Variants in HDGFL3 observed in about 807,000 individuals in gnomAD.
HDGFL3 encodes the protein HDGF like 3.
Under a neutral mutation model 27.6 loss-of-function variants are expected in HDGFL3, and 6 were observed. The ratio of observed to expected loss-of-function variants is 0.22; its 90% confidence interval spans 0.12 to 0.43. The LOEUF (loss-of-function observed/expected upper bound fraction) is 0.43, where lower values mean the gene tolerates loss of function less well. Among genes scored for constraint, HDGFL3 ranks in the 20% least tolerant of loss-of-function variants. HDGFL3 has a pLI of 1.00. For synonymous variants in HDGFL3, 88 were observed against 88.9 expected (o/e 0.99, Z 0.05); for missense variants, 207 against 250.1 (o/e 0.83, Z 1.16).
chr15:83,123,631 G>T (rs2035465873), downstream of HDGFL3, among the ~76,000 whole-genome samples: 1 of 152,150 alleles, frequency 6.6e-6, no homozygotes, highest in Non-Finnish European at 1.5e-5. Context: ...TACTTCATTT[G>T]TAAACATTTA....
At chr15:83,121,875 A>G in intron 3 of HDGFL3, 1 of 1,439,826 alleles carries the variant, frequency 6.9e-7, no homozygotes, top group African/African-American at 1.4e-5. Context: ...TTAGTATTCT[A>G]AGACAAACAT....
At chr15:83,204,036 C>T (rs1173342912) in intron 1 of HDGFL3, among the ~76,000 whole-genome samples, 3 of 146,772 alleles carry the variant, frequency 2.0e-5, no homozygotes, top group Admixed American at 1.4e-4. Context: ...GAGAAACAGC[C>T]AGCTGCTATT....
At chr15:83,206,596 G>A (rs189449773) in intron 1 of HDGFL3, among the ~76,000 whole-genome samples, 3 of 152,286 alleles carry the variant, frequency 2.0e-5, no homozygotes, top group East Asian at 1.9e-4. Context: ...GTAGCAGGAG[G>A]CCAAGAATAA....
chr15:83,151,848 G>T (rs905384037), intron 4 of HDGFL3, among the ~76,000 whole-genome samples: 1 of 152,178 alleles, frequency 6.6e-6, no homozygotes, highest in African/African-American at 2.4e-5. Context: ...TGGCTAATGG[G>T]ATACCCAGAA....
rs2035956517 is a variant in HDGFL3 at position 83,128,418 on chromosome 15, T to A, written c.*10852A>T. On this transcript the variant is annotated 3_prime_UTR_variant, in exon 6 of 6. Coordinates refer to ENST00000299633, the MANE Select transcript of HDGFL3 (RefSeq NM_016073.4). ...GAAGTAATGGTTCCTGTCCTTTCCT[T>A]GAGGGGCTTAAGAAGGAAGAGAACT... The A allele has an allele frequency of 6.6e-6, 1 of 152,248 alleles. No homozygotes were observed. The highest frequency in any genetic ancestry group is 2.4e-5 in the African/African-American group (1 of 41,466). The allele number at this position is 152,248 out of a possible 1,614,324, so 9.4% of individuals were successfully genotyped here.
chr15:83,199,258 A>G (rs748145696), intron 1 of HDGFL3, among the ~76,000 whole-genome samples: 1 of 152,186 alleles, frequency 6.6e-6, no homozygotes, highest in Non-Finnish European at 1.5e-5. Context: ...AATTTATACT[A>G]CTACTCCCTC....
intron 1 of HDGFL3, among the ~76,000 whole-genome samples, chr15:83,189,056 T>C (rs1050173377): frequency 6.6e-6 from 1 of 152,104 alleles, no homozygotes; most frequent in African/African-American, 2.4e-5. Flanking sequence ...CCTTCAATTA[T>C]ACCCCAAAAC....
chr15:83,141,131 T>C (rs2036761893), intron 5 of HDGFL3, among the ~76,000 whole-genome samples: 1 of 152,212 alleles, frequency 6.6e-6, no homozygotes, highest in Non-Finnish European at 1.5e-5. Context: ...TAATTCATCA[T>C]GGTATATATT....
chr15:83,136,109 C>T lies in HDGFL3; in HGVS notation c.*3161G>A, dbSNP rs12440386. The T allele has an allele frequency of 0.25, 40,072 of 162,674 alleles. 5,268 individuals are homozygous for T. Among genetic ancestry groups the T allele is most frequent in the African/African-American group, 0.34 (14,059 of 41,886 alleles). The allele number at this position is 162,674 out of a possible 1,614,324, so 10.1% of individuals were successfully genotyped here. A position where few individuals can be genotyped will look rare whatever the true frequency, so the allele number is the denominator to read the frequency against. Reference sequence around the variant, plus strand: ...TGTGAACCACAACTGAGTCTGTATGCAGGATCTCCAGAACGCAAATCAGAA... The same window carrying T: ...TGTGAACCACAACTGAGTCTGTATGTAGGATCTCCAGAACGCAAATCAGAA... On this transcript the variant is annotated 3_prime_UTR_variant, in exon 6 of 6. Transcript: ENST00000299633.
intron 4 of HDGFL3, 114 bp downstream of exon 4, chr15:83,157,301 G>C: frequency 9.6e-7 from 1 of 1,046,668 alleles, no homozygotes; most frequent in Non-Finnish European, 1.4e-6. Context: ...AAAGGCAGAG[G>C]CTCCATAGAA....
At chr15:83,120,250 C>G (rs1343048820) in intron 3 of HDGFL3, among the ~76,000 whole-genome samples, 1 of 152,204 alleles carries the variant, frequency 6.6e-6, no homozygotes, top group Non-Finnish European at 1.5e-5. Context: ...CTAGCTTGGT[C>G]TTGGGAGGCA....
chr15:83,181,103 C>T (rs983584129), intron 1 of HDGFL3: 4 of 152,118 alleles, frequency 2.6e-5, no homozygotes, highest in African/African-American at 9.7e-5. Context: ...TAGCTACAGA[C>T]ATTTTTTCAC....
At chr15:83,114,560 G>A (rs2034481393) in exon 4 of HDGFL3, 2 of 152,576 alleles carry the variant, frequency 1.3e-5, no homozygotes, top group South Asian at 2.1e-4. Context: ...CTGCAAAACA[G>A]GGCACATGTG....
Position 83,113,108 on chromosome 15 carries a change from G to A in HDGFL3, c.*2601C>T, listed in dbSNP as rs74735964. Reference sequence around the variant, plus strand: ...TCCACCCTCTCCCAGGTGGCATCCCGGTGGAGAGTTACTGCCAGGCCAGGC... The same window carrying A: ...TCCACCCTCTCCCAGGTGGCATCCCAGTGGAGAGTTACTGCCAGGCCAGGC... On this transcript the variant is annotated 3_prime_UTR_variant, in exon 4 of 4. Coordinates refer to the HDGFL3 transcript ENST00000568294. The A allele has an allele frequency of 7.0e-3, 4,061 of 583,566 alleles. 127 individuals are homozygous for A. Among genetic ancestry groups the A allele is most frequent in the African/African-American group, 0.068 (3,665 of 53,576 alleles). 36.1% of individuals were successfully genotyped at this position (583,566 alleles called of 1,614,324 possible). A position where few individuals can be genotyped will look rare whatever the true frequency, so the allele number is the denominator to read the frequency against.
rs76136180 is a variant in HDGFL3, at chr15:83,183,586, C to T, written c.85-19511G>A. Among the ~76,000 whole-genome samples the T allele has an allele frequency of 6.9e-3, 1,050 of 152,106 alleles. 47 individuals carry two copies. The East Asian group carries it at 0.13, about 18-fold the overall frequency. On this transcript the variant is annotated intron_variant, in intron 1 of 5. Transcript: ENST00000299633. ...GAACAGCCTGGCCAACATGGTGAAA[C>T]CTCATCTCCACTAAAAATACAAAAA...
intron 1 of HDGFL3, among the ~76,000 whole-genome samples, chr15:83,190,893 T>C (rs1047204816): frequency 2.6e-5 from 4 of 152,180 alleles, no homozygotes; most frequent in African/African-American, 9.7e-5. Context: ...CTTCCACACT[T>C]TTATCTATGT....
rs574305370 is a variant in HDGFL3 at position 83,177,198 on chromosome 15, C to T, written c.85-13123G>A. ...CCTCCCGAAGTGCTGGGATTACAGG[C>T]GTGAGCCATTTTGCATTTTTATATA... On this transcript the variant is annotated intron_variant, in intron 1 of 5. Coordinates refer to ENST00000299633, the MANE Select transcript of HDGFL3 (RefSeq NM_016073.4). Among the ~76,000 whole-genome samples the T allele has an allele frequency of 4.6e-5, 7 of 152,300 alleles. No homozygotes were observed. The East Asian group carries it at 7.7e-4, about 17-fold the overall frequency.
At chr15:83,151,148 T>A in intron 5 of HDGFL3, 67 bp downstream of exon 5, 1 of 1,439,826 alleles carries the variant, frequency 6.9e-7, no homozygotes, top group Non-Finnish European at 9.6e-7. Context: ...TGCTGACATA[T>A]GGATGCTGAA....
At chr15:83,123,864 C>G (rs1340701737), downstream of HDGFL3, among the ~76,000 whole-genome samples, 1 of 152,196 alleles carries the variant, frequency 6.6e-6, no homozygotes, top group African/African-American at 2.4e-5. Flanking sequence ...ACAGTGACAG[C>G]CAGGGCCAAG....
Sources: allele counts gnomAD v4.1 joint callset (sites outside exome capture counted in the v4.1 genomes callset), GRCh38; gene constraint gnomAD v4.1.1; transcripts MANE v1.5; gene names NCBI Gene and HGNC (gene_info 2026-07-23, HGNC 2026-07-21).